GSE1: variants seen among roughly 807,000 people sequenced by gnomAD.
The protein encoded by GSE1 is Gse1 coiled-coil protein.
GSE1 carries 32 observed loss-of-function variants against 112.6 expected under a neutral mutation model. The ratio of observed to expected loss-of-function variants is 0.28; its 90% confidence interval spans 0.21 to 0.38. The LOEUF (loss-of-function observed/expected upper bound fraction) is 0.38. Among genes scored for constraint, GSE1 ranks in the 10% least tolerant of loss-of-function variants. GSE1 has a pLI of 1.00. For missense variants in GSE1, 2,348 were observed against 1,699.2 expected, an observed-to-expected ratio of 1.38 and a Z score of -6.71; for synonymous variants, 1,115 against 735.6, an observed-to-expected ratio of 1.52 and a Z score of -8.35.
At chr16:85,385,053 C>G (rs2151630480) in intron 2 of GSE1, among the ~76,000 whole-genome samples, 1 of 152,384 alleles carries the variant, frequency 6.6e-6, no homozygotes, top group Admixed American at 6.5e-5. Context: ...GTCTCACTGG[C>G]TCCGCCACCT....
At chr16:85,625,231 C>T (rs1361838466) in intron 1 of GSE1, among the ~76,000 whole-genome samples, 1 of 152,210 alleles carries the variant, frequency 6.6e-6, no homozygotes, top group Non-Finnish European at 1.5e-5. Context: ...CGGCCTGCTT[C>T]TCCGCACACA....
chr16:85,569,137 G>A (rs79415234), intron 1 of GSE1, among the ~76,000 whole-genome samples: 9,624 of 152,154 alleles, frequency 0.063, 726 homozygotes, highest in African/African-American at 0.16. Flanking sequence ...TTTTCTCCCC[G>A]ACAGGGCCAA....
intron 2 of GSE1, among the ~76,000 whole-genome samples, chr16:85,374,617 C>T (rs569934643): frequency 2.6e-5 from 4 of 152,168 alleles, no homozygotes; most frequent in Admixed American, 1.3e-4. Context: ...GTGTGGCTGC[C>T]ATGGCCAGGC....
Position 85,661,158 on chromosome 16 carries a change from C to G in GSE1, c.1653C>G (p.Asn551Lys). Reference sequence around the variant, plus strand: ...TTTCACTCCCTAGGCCAGGACCAAACCGTCACGAGCCAGGTGGCCGTGACC... The same window carrying G: ...TTTCACTCCCTAGGCCAGGACCAAAGCGTCACGAGCCAGGTGGCCGTGACC... ...RPESTTRPGP[N>K]RHEPGGRDPP... Residue 551 changes from asparagine to lysine, a missense_variant, in exon 9 of 16, where the codon AAC (asparagine) becomes AAG (lysine). Asn to Lys is a moderately conservative substitution (Grantham distance 94, BLOSUM62 0). Coordinates refer to ENST00000253458, the MANE Select transcript of GSE1 (RefSeq NM_014615.5). The G allele has an allele frequency of 6.3e-7, 1 of 1,587,546 alleles. No individual in the cohort carries two copies. Among genetic ancestry groups the G allele is most frequent in the African/African-American group, 1.3e-5 (1 of 74,528 alleles).
intron 1 of GSE1, among the ~76,000 whole-genome samples, chr16:85,247,319 T>C (rs1041847556): frequency 3.3e-5 from 5 of 152,160 alleles, no homozygotes; most frequent in African/African-American, 1.2e-4. Flanking sequence ...GACACATAAT[T>C]GTCCATTGGA....
In GSE1 at chr16:85,289,920, G is replaced by A. The variant is rs567949311; in HGVS notation, c.2284-67543G>A. ...GCATGTGTGTGCCTGACCTCTCTTTGGAATTCAGATTCATTAGATCTGGCT... is the reference window on the plus strand; with the variant it reads ...GCATGTGTGTGCCTGACCTCTCTTTAGAATTCAGATTCATTAGATCTGGCT... On this transcript the variant is annotated intron_variant, in intron 1 of 2. Coordinates refer to the GSE1 transcript ENST00000637419. Among the ~76,000 whole-genome samples the A allele has an allele frequency of 4.0e-4, 61 of 152,280 alleles. No individual in the cohort carries two copies. The South Asian group carries it at 0.012, about 31-fold the overall frequency.
intron 2 of GSE1, among the ~76,000 whole-genome samples, chr16:85,492,341 C>T (rs117038922): frequency 0.01 from 1,526 of 152,294 alleles, 23 homozygotes; most frequent in Non-Finnish European, 0.014. Flanking sequence ...GCCAGCAGGC[C>T]CCATCCCTGT....
chr16:85,421,915 C>T (rs544456414), intron 2 of GSE1, among the ~76,000 whole-genome samples: 1 of 152,150 alleles, frequency 6.6e-6, no homozygotes, highest in African/African-American at 2.4e-5. Flanking sequence ...CTCTGGCAGG[C>T]CCATGCTGAG....
chr16:85,255,242 T>A (rs1350403829), intron 1 of GSE1, among the ~76,000 whole-genome samples: 1 of 152,076 alleles, frequency 6.6e-6, no homozygotes, highest in Non-Finnish European at 1.5e-5. Context: ...TCCTGCTGCC[T>A]GGGAGACCCG....
In GSE1 at chr16:85,656,434, C is replaced by T. The variant is rs367965391; in HGVS notation, c.1081C>T (p.Arg361Cys). The change falls in exon 7 of 16, where the codon CGT becomes TGT. Residue 361 changes from arginine to cysteine, a missense_variant. Physicochemically the swap from Arg to Cys is radical, Grantham distance 180. Coordinates refer to ENST00000253458, the MANE Select transcript of GSE1 (RefSeq NM_014615.5). ...READREREKE[R>C]EREREKEREQ... is the part of the protein sequence containing the mutation. ...GGCTGACCGCGAGCGGGAGAAGGAACGTGAGCGCGAACGCGAGAAGGAGCG... is the reference window on the plus strand; with the variant it reads ...GGCTGACCGCGAGCGGGAGAAGGAATGTGAGCGCGAACGCGAGAAGGAGCG... 19 of 1,569,306 alleles carry T rather than the reference C, an allele frequency of 1.2e-5. No individual in the cohort carries two copies. Among genetic ancestry groups the T allele is most frequent in the African/African-American group, 1.4e-5 (1 of 72,672 alleles).
chr16:85,490,374 CAT>C (rs2050971736), intron 2 of GSE1: 1 of 152,282 alleles, frequency 6.6e-6, no homozygotes, highest in African/African-American at 2.4e-5. Flanking sequence ...TTCGTCTCCT[CAT>C]GTGTAAAAGG....
intron 1 of GSE1, among the ~76,000 whole-genome samples, chr16:85,179,554 C>T (rs1169920765): frequency 1.3e-5 from 2 of 152,116 alleles, no homozygotes; most frequent in Admixed American, 6.6e-5. Context: ...GAGATTTAAC[C>T]CTCTGAGGAC....
At chr16:85,268,480 A>G (rs1376287642) in intron 1 of GSE1, among the ~76,000 whole-genome samples, 5 of 151,944 alleles carry the variant, frequency 3.3e-5, no homozygotes, top group African/African-American at 1.2e-4. Flanking sequence ...TCACTCTTCT[A>G]TGAGTGGGGA....
At chr16:85,234,691 C>G (rs1904410825) in intron 1 of GSE1, among the ~76,000 whole-genome samples, 1 of 152,206 alleles carries the variant, frequency 6.6e-6, no homozygotes. Flanking sequence ...TGGCCTCACA[C>G]TGCCCTTGAC....
At chr16:85,664,869 AACTGGGCCTGCC>A in intron 11 of GSE1, 134 bp from the exon 12 acceptor site, 1 of 617,528 alleles carries the variant, frequency 1.6e-6, no homozygotes, top group Non-Finnish European at 2.9e-6. Flanking sequence ...GCTTCCTTTC[AACTGGGCCTGCC>A]CCATCACACC....
chr16:85,517,915 C>T (rs116032594), intron 2 of GSE1, among the ~76,000 whole-genome samples: 1 of 152,232 alleles, frequency 6.6e-6, no homozygotes, highest in Admixed American at 6.5e-5. Context: ...TGGCGCCTGG[C>T]AGGGCTGATG....
chr16:85,599,280 A>T (rs2047364078), intron 1 of GSE1, among the ~76,000 whole-genome samples: 1 of 152,240 alleles, frequency 6.6e-6, no homozygotes, highest in Non-Finnish European at 1.5e-5. Flanking sequence ...ATTACAATTA[A>T]TTTTTAAAAG....
chr16:85,171,201 C>T (rs1041613093), exon 1 of GSE1: 5 of 985,516 alleles, frequency 5.1e-6, no homozygotes, highest in Middle Eastern at 5.2e-4. Flanking sequence ...TCATCACCTC[C>T]GTGCAGGGCT....
At chr16:85,337,566 A>G (rs2046526787) in intron 1 of GSE1, among the ~76,000 whole-genome samples, 1 of 152,066 alleles carries the variant, frequency 6.6e-6, no homozygotes, top group South Asian at 2.1e-4. Context: ...CGGCCTCCCA[A>G]AGTGCTGGGA....
Sources: gnomAD v4.1 joint callset for allele counts (sites outside exome capture counted in the v4.1 genomes callset) on GRCh38, gnomAD v4.1.1 for gene constraint, MANE v1.5 for transcripts, NCBI Gene and HGNC (gene_info 2026-07-23, HGNC 2026-07-21) for gene names.